The following BICD1 variants were observed in gnomAD, a reference collection of about 807,000 sequenced individuals.
The protein encoded by BICD1 is protein bicaudal D homolog 1.
A neutral mutation model predicts 92.5 loss-of-function variants in BICD1; 35 were observed. That is an observed-to-expected ratio of 0.38 (90% CI 0.29 to 0.50). BICD1 has a LOEUF of 0.50. BICD1 is among the 20% of genes least tolerant of loss of function. The probability of loss-of-function intolerance (pLI) is 0.93; values close to 1 mark genes in which losing one functional copy is unlikely to be tolerated. For missense variants in BICD1, 950 were observed against 1,189.8 expected (o/e 0.80, Z 2.97); for synonymous variants, 429 against 465.1 (o/e 0.92, Z 1.00).
intron 4 of BICD1, among the ~76,000 whole-genome samples, chr12:32,308,863 C>T (rs951288033): frequency 6.6e-6 from 1 of 152,102 alleles, no homozygotes; most frequent in Non-Finnish European, 1.5e-5. Flanking sequence ...GCAGGTAGGT[C>T]CTTATATCCC....
chr12:32,113,003 C>T (rs1221712876), intron 1 of BICD1, among the ~76,000 whole-genome samples: 1 of 152,182 alleles, frequency 6.6e-6, no homozygotes, highest in Non-Finnish European at 1.5e-5. Flanking sequence ...GTTTAGGTCT[C>T]TTCCCAGGGC....
intron 9 of BICD1, among the ~76,000 whole-genome samples, chr12:32,376,361 AC>A (rs1441542187): frequency 1.3e-5 from 2 of 151,714 alleles, no homozygotes; most frequent in African/African-American, 4.8e-5. Flanking sequence ...TGCTGGGATT[AC>A]AGGTGTGAGC....
At position 32,295,168 on chromosome 12, in the gene BICD1, A is replaced by C. The variant is rs527710951; in HGVS notation, c.579+1022A>C. Among the ~76,000 whole-genome samples, 9 of 152,114 alleles carry C rather than the reference A, an allele frequency of 5.9e-5. No homozygotes were observed. The East Asian group carries it at 1.7e-3, about 29-fold the overall frequency. On this transcript the variant is annotated intron_variant, in intron 3 of 9. Transcript: ENST00000652176. ...ACAAAGATTACATTCGTACATTTAA[A>C]TGATTTTTTTGCTGTAATGGGGGTT... is the stretch of plus-strand genomic sequence containing the variant.
At chr12:32,226,055 C>G (rs79986065) in intron 2 of BICD1, among the ~76,000 whole-genome samples, 304 of 152,316 alleles carry the variant, frequency 2.0e-3, no homozygotes, top group African/African-American at 7.0e-3. Flanking sequence ...TCCATATATT[C>G]TCTTTGGCAT....
intron 8 of BICD1, among the ~76,000 whole-genome samples, chr12:32,346,926 G>A (rs1387533042): frequency 6.8e-6 from 1 of 146,038 alleles, no homozygotes; most frequent in Non-Finnish European, 1.5e-5. Flanking sequence ...AAGATGGCAT[G>A]TATTTCGGTT....
At chr12:32,314,177 G>A (rs1319996530) in intron 4 of BICD1, among the ~76,000 whole-genome samples, 1 of 152,134 alleles carries the variant, frequency 6.6e-6, no homozygotes, top group Non-Finnish European at 1.5e-5. Flanking sequence ...TTCATCAGTT[G>A]ATGGACACTT....
chr12:32,196,725 C>T (rs1421006940), intron 1 of BICD1, among the ~76,000 whole-genome samples: 2 of 152,006 alleles, frequency 1.3e-5, no homozygotes, highest in African/African-American at 2.4e-5. Context: ...ATATAGTTGA[C>T]GATACTGTGT....
Position 32,305,889 on chromosome 12 carries a change from CTCAATGATA to C in BICD1, c.773_781del (p.Leu258_Asn261delinsHis). 3.1e-6 allele frequency: 5 copies of C among 1,614,122 alleles called. No individual in the cohort carries two copies. The highest frequency in any genetic ancestry group is 4.2e-6 in the Non-Finnish European group (5 of 1,180,024). Reference sequence around the variant, plus strand: ...GAAGGAGCTCTCCCAGTATATCAGCCTCAATGATAACCATATCAGCATCTCAGTAGATGG... The same window carrying C: ...GAAGGAGCTCTCCCAGTATATCAGCCACCATATCAGCATCTCAGTAGATGG... On this transcript the variant is annotated inframe_deletion, in exon 4 of 10. Transcript: ENST00000652176.
At chr12:32,240,611 A>G (rs2136081065) in intron 2 of BICD1, among the ~76,000 whole-genome samples, 1 of 152,278 alleles carries the variant, frequency 6.6e-6, no homozygotes, top group African/African-American at 2.4e-5. Flanking sequence ...GCATCTCAAA[A>G]TCCTTAATTT....
intron 8 of BICD1, among the ~76,000 whole-genome samples, chr12:32,346,487 A>G (rs1938569879): frequency 1.4e-5 from 2 of 139,196 alleles, no homozygotes; most frequent in Non-Finnish European, 3.1e-5. Flanking sequence ...AGTTCTTTCC[A>G]GCCTGGGTGA....
intron 1 of BICD1, among the ~76,000 whole-genome samples, chr12:32,139,786 C>T (rs1942847772): frequency 6.6e-6 from 1 of 152,076 alleles, no homozygotes; most frequent in African/African-American, 2.4e-5. Context: ...ATGCTCAAAC[C>T]CCTGACCTCG....
At chr12:32,332,943 A>G in intron 5 of BICD1, 1 of 985,410 alleles carries the variant, frequency 1.0e-6, no homozygotes, top group Non-Finnish European at 1.2e-6. Flanking sequence ...TGAGTTATGG[A>G]TACTTAAAAT....
rs187447658 is a variant in BICD1, at chr12:32,223,386, C to T, written c.426+6927C>T. Among the ~76,000 whole-genome samples, 20 of 152,206 alleles carry T rather than the reference C, an allele frequency of 1.3e-4. No individual in the cohort carries two copies. The East Asian group carries it at 1.5e-3, about 12-fold the overall frequency. ...TACAAAAATTAGCTGGGCATGGTGG[C>T]GAATGCCCGTAGTCCCAGCTACTCG... On this transcript the variant is annotated intron_variant, in intron 2 of 9. Transcript: ENST00000652176.
intron 1 of BICD1, among the ~76,000 whole-genome samples, chr12:32,116,520 A>AT (rs1941920597): frequency 7.0e-6 from 1 of 142,404 alleles, no homozygotes; most frequent in African/African-American, 2.6e-5. Context: ...CTATATATAT[A>AT]TATATATATG....
At chr12:32,312,224 T>C (rs1948400650) in intron 4 of BICD1, among the ~76,000 whole-genome samples, 1 of 152,090 alleles carries the variant, frequency 6.6e-6, no homozygotes, top group Non-Finnish European at 1.5e-5. Context: ...AAAAATCAGG[T>C]CTCCTTCTTG....
At chr12:32,188,273 G>C (rs982733840) in intron 1 of BICD1, among the ~76,000 whole-genome samples, 1 of 152,086 alleles carries the variant, frequency 6.6e-6, no homozygotes, top group African/African-American at 2.4e-5. Flanking sequence ...ATTTAACTGG[G>C]AGTAGAATAT....
At chr12:32,279,869 G>T (rs1270586393) in intron 2 of BICD1, among the ~76,000 whole-genome samples, 1 of 152,230 alleles carries the variant, frequency 6.6e-6, no homozygotes, top group Non-Finnish European at 1.5e-5. Flanking sequence ...GGAGGCTGAG[G>T]CGGGTGGATC....
At chr12:32,339,663 A>G in intron 8 of BICD1, 1 of 985,448 alleles carries the variant, frequency 1.0e-6, no homozygotes, top group Non-Finnish European at 1.2e-6. Flanking sequence ...CAAATAGAGA[A>G]AATTATTCTT....
chr12:32,199,026 C>G (rs1944821204), intron 1 of BICD1, among the ~76,000 whole-genome samples: 1 of 152,020 alleles, frequency 6.6e-6, no homozygotes, highest in African/African-American at 2.4e-5. Flanking sequence ...TTACTATGGT[C>G]TTGGGTAGAA....
Sources: gnomAD v4.1 joint callset for allele counts (sites outside exome capture counted in the v4.1 genomes callset) on GRCh38, gnomAD v4.1.1 for gene constraint, MANE v1.5 for transcripts, NCBI Gene and HGNC (gene_info 2026-07-23, HGNC 2026-07-21) for gene names.